Variants in CDC42SE2 observed in about 807,000 individuals in gnomAD.
CDC42SE2 encodes CDC42 small effector 2.
CDC42SE2 carries 3 observed loss-of-function variants against 11.5 expected under a neutral mutation model. The observed-to-expected ratio is 0.26, with a 90% CI of 0.12 to 0.67. The LOEUF is 0.67. Among genes scored for constraint, CDC42SE2 ranks in the 30% least tolerant of loss-of-function variants. The pLI is 0.80. For missense variants in CDC42SE2, 82 were observed against 106.8 expected, an observed-to-expected ratio of 0.77 and a Z score of 1.02; for synonymous variants, 33 against 34.8, an observed-to-expected ratio of 0.95 and a Z score of 0.18.
intron 2 of CDC42SE2, among the ~76,000 whole-genome samples, chr5:131,342,204 G>C (rs1183235965): frequency 6.8e-6 from 1 of 147,420 alleles, no homozygotes; most frequent in African/African-American, 2.5e-5. Flanking sequence ...CACTTGAACT[G>C]GGGGGGTGGA....
chr5:131,349,277 A>G (rs1268492360), intron 2 of CDC42SE2, among the ~76,000 whole-genome samples: 3 of 141,756 alleles, frequency 2.1e-5, no homozygotes, highest in African/African-American at 7.7e-5. Flanking sequence ...TCTCACTCAT[A>G]GGTGGGAATT....
intron 2 of CDC42SE2, among the ~76,000 whole-genome samples, chr5:131,347,664 C>A (rs1758882925): frequency 6.6e-6 from 1 of 152,124 alleles, no homozygotes; most frequent in Non-Finnish European, 1.5e-5. Flanking sequence ...TCAACATCAT[C>A]CTGATACTAA....
chr5:131,266,671 T>C (rs1580720276), intron 1 of CDC42SE2, among the ~76,000 whole-genome samples: 1 of 152,104 alleles, frequency 6.6e-6, no homozygotes, highest in Non-Finnish European at 1.5e-5. Context: ...TTGGCCAGGC[T>C]GGTCTCGAAC....
At chr5:131,257,036 A>G (rs967432860) in intron 2 of CDC42SE2, among the ~76,000 whole-genome samples, 1 of 152,182 alleles carries the variant, frequency 6.6e-6, no homozygotes, top group African/African-American at 2.4e-5. Context: ...CCTGGGGATT[A>G]TGTAGGGCAT....
chr5:131,334,970 G>A (rs1178038127), intron 2 of CDC42SE2, among the ~76,000 whole-genome samples: 3 of 152,068 alleles, frequency 2.0e-5, no homozygotes, highest in African/African-American at 7.2e-5. Context: ...GTTTCCTTCA[G>A]TTCTGCTCTG....
intron 2 of CDC42SE2, among the ~76,000 whole-genome samples, chr5:131,317,102 A>T (rs1758057732): frequency 6.6e-6 from 1 of 152,056 alleles, no homozygotes; most frequent in African/African-American, 2.4e-5. Context: ...TCTAATAATT[A>T]CAGAGATTTT....
At chr5:131,381,205 T>C (rs1158924492) in intron 3 of CDC42SE2, among the ~76,000 whole-genome samples, 1 of 152,224 alleles carries the variant, frequency 6.6e-6, no homozygotes, top group Non-Finnish European at 1.5e-5. Flanking sequence ...GTTTGGATTC[T>C]CTCAGAACCC....
At position 131,315,503 on chromosome 5, in the gene CDC42SE2, C is replaced by A. The variant is rs183106023; in HGVS notation, c.-454-473C>A. On this transcript the variant is annotated intron_variant, in intron 1 of 4. Coordinates refer to ENST00000505065, the MANE Select transcript of CDC42SE2 (RefSeq NM_001375635.1). ...GTAACATAAAGGAGAGTGGCGACTT[C>A]TGTGGAGAACTGCAGAGTCCCATCC... Among the ~76,000 whole-genome samples the A allele has an allele frequency of 7.3e-4, 111 of 152,296 alleles. 2 individuals are homozygous for A. The East Asian group carries it at 0.018, about 25-fold the overall frequency.
At chr5:131,346,178 A>G (rs954855146) in intron 2 of CDC42SE2, among the ~76,000 whole-genome samples, 1 of 152,196 alleles carries the variant, frequency 6.6e-6, no homozygotes, top group African/African-American at 2.4e-5. Context: ...TAAATGGGCT[A>G]AATGTTCCAA....
intron 2 of CDC42SE2, among the ~76,000 whole-genome samples, chr5:131,335,490 G>A (rs1758534349): frequency 6.6e-6 from 1 of 152,152 alleles, no homozygotes; most frequent in Non-Finnish European, 1.5e-5. Flanking sequence ...GGTCGGCTTG[G>A]TGCAGAGCTG....
At position 131,278,725 on chromosome 5, in the gene CDC42SE2, CCCCCT is replaced by C. The variant is rs1561569833; in HGVS notation, c.-455+14574_-455+14578del. On this transcript the variant is annotated intron_variant, in intron 1 of 4. Transcript: ENST00000505065. The stretch of plus-strand genomic sequence containing the variant: ...CTTTCCTTTCCTCTCCCCTCCCCTC[CCCCCT>C]CCCCTCCCCTCCCCCTCCCCTCCCC... Among the ~76,000 whole-genome samples, 13 of 8,746 alleles carry C rather than the reference CCCCCT, an allele frequency of 1.5e-3. 1 individual carries two copies. Among genetic ancestry groups the C allele is most frequent in the African/African-American group, 5.2e-3 (10 of 1,924 alleles). 5.7% of individuals were successfully genotyped at this position (8,746 alleles called of 152,430 possible). A position where few individuals can be genotyped will look rare whatever the true frequency, so the allele number is the denominator to read the frequency against.
chr5:131,372,078 T>C (rs1750026879), intron 3 of CDC42SE2, among the ~76,000 whole-genome samples: 1 of 152,222 alleles, frequency 6.6e-6, no homozygotes, highest in South Asian at 2.1e-4. Flanking sequence ...GGTGATGTCT[T>C]CATTGGGATC....
At chr5:131,383,452 GAAAT>G (rs1561437364) in intron 3 of CDC42SE2, among the ~76,000 whole-genome samples, 1 of 152,090 alleles carries the variant, frequency 6.6e-6, no homozygotes, top group African/African-American at 2.4e-5. Context: ...TTCAAATAAA[GAAAT>G]GAGAGTTCTT....
intron 3 of CDC42SE2, among the ~76,000 whole-genome samples, chr5:131,362,211 C>T (rs545680109): frequency 1.3e-5 from 2 of 152,274 alleles, no homozygotes; most frequent in East Asian, 3.9e-4. Context: ...ATCAGTACAA[C>T]ATTTACATAT....
chr5:131,391,161 A>G lies in CDC42SE2; in HGVS notation c.*70A>G. ...CTGACGGCCAGACATGGCCAGGCCA[A>G]TAATAGTAAATATATGTATATATAT... is the stretch of plus-strand genomic sequence containing the variant. On this transcript the variant is annotated 3_prime_UTR_variant, in exon 5 of 5. Coordinates refer to ENST00000505065, the MANE Select transcript of CDC42SE2 (RefSeq NM_001375635.1). 5 of 871,158 alleles carry G rather than the reference A, an allele frequency of 5.7e-6. No individual in the cohort carries two copies. Among genetic ancestry groups the G allele is most frequent in the Non-Finnish European group, 8.9e-6 (5 of 562,294 alleles). The allele number at this position is 871,158 out of a possible 1,614,324, so 54.0% of individuals were successfully genotyped here. A position where few individuals can be genotyped will look rare whatever the true frequency, so the allele number is the denominator to read the frequency against.
intron 1 of CDC42SE2, among the ~76,000 whole-genome samples, chr5:131,252,809 A>G (rs768733924): frequency 6.6e-6 from 1 of 152,200 alleles, no homozygotes; most frequent in Non-Finnish European, 1.5e-5. Context: ...CTGATTTTAT[A>G]CATGTTATTC....
chr5:131,230,823 T>C, the CDC42SE2 span, among the ~76,000 whole-genome samples: 1 of 152,234 alleles, frequency 6.6e-6, no homozygotes, highest in Admixed American at 6.5e-5. Context: ...CTGCACCTAT[T>C]GAGACGTTAA....
upstream of CDC42SE2, among the ~76,000 whole-genome samples, chr5:131,241,456 C>T (rs1053353897): frequency 1.3e-5 from 2 of 152,062 alleles, no homozygotes; most frequent in Admixed American, 1.3e-4. Context: ...TAATTATCAT[C>T]ACTATTTCTT....
intron 2 of CDC42SE2, among the ~76,000 whole-genome samples, chr5:131,352,878 A>T (rs1749387763): frequency 6.6e-6 from 1 of 152,130 alleles, no homozygotes; most frequent in South Asian, 2.1e-4. Flanking sequence ...AGTTCTTCCA[A>T]AGTTTCTAGC....
Sources: gnomAD v4.1 joint callset for allele counts (sites outside exome capture counted in the v4.1 genomes callset) on GRCh38, gnomAD v4.1.1 for gene constraint, MANE v1.5 for transcripts, NCBI Gene and HGNC (gene_info 2026-07-23, HGNC 2026-07-21) for gene names.